Variants in MYO5A observed in about 807,000 individuals in gnomAD.
The protein encoded by MYO5A is myosin VA.
A neutral mutation model predicts 249.7 loss-of-function variants in MYO5A; 98 were observed. That is an observed-to-expected ratio of 0.39 (90% CI 0.33 to 0.46). The LOEUF is 0.46. MYO5A is among the 20% of genes least tolerant of loss of function. MYO5A has a pLI of 0.98. For synonymous variants in MYO5A, 778 were observed against 810.6 expected, an observed-to-expected ratio of 0.96 and a Z score of 0.68; for missense variants, 1,696 against 2,308.8, an observed-to-expected ratio of 0.73 and a Z score of 5.44.
chr15:52,385,348 C>T (rs1374399747), intron 14 of MYO5A, among the ~76,000 whole-genome samples: 2 of 152,134 alleles, frequency 1.3e-5, no homozygotes, highest in Non-Finnish European at 2.9e-5. Context: ...GAGGCATAAA[C>T]TCAGTAGATG....
chr15:52,517,094 T>C (rs900602282), intron 1 of MYO5A, among the ~76,000 whole-genome samples: 4 of 152,196 alleles, frequency 2.6e-5, no homozygotes, highest in Non-Finnish European at 5.9e-5. Context: ...AGAATAAAGG[T>C]ATTAAAAAGC....
At chr15:52,447,259 ATCAC>A (rs2075912488) in intron 1 of MYO5A, among the ~76,000 whole-genome samples, 1 of 151,978 alleles carries the variant, frequency 6.6e-6, no homozygotes, top group Admixed American at 6.6e-5. Context: ...CAAGATCGTT[ATCAC>A]TCACTCACAC....
chr15:52,325,128 G>C (rs969245454), intron 36 of MYO5A, among the ~76,000 whole-genome samples: 3 of 152,096 alleles, frequency 2.0e-5, no homozygotes, highest in Admixed American at 2.0e-4. Context: ...GGATGCTCTG[G>C]GCTAAGCTGA....
At chr15:52,453,726 T>A (rs1009797787) in intron 1 of MYO5A, among the ~76,000 whole-genome samples, 2 of 152,252 alleles carry the variant, frequency 1.3e-5, no homozygotes, top group African/African-American at 2.4e-5. Context: ...TATAGAGGTT[T>A]TTTTTAAAAA....
chr15:52,519,728 C>T (rs966543392), intron 1 of MYO5A, among the ~76,000 whole-genome samples: 4 of 151,586 alleles, frequency 2.6e-5, no homozygotes, highest in Admixed American at 6.6e-5. Context: ...CTTGCACAGA[C>T]GCTCCATGGC....
At chr15:52,501,258 A>C (rs2077153202) in intron 1 of MYO5A, among the ~76,000 whole-genome samples, 1 of 151,682 alleles carries the variant, frequency 6.6e-6, no homozygotes, top group Non-Finnish European at 1.5e-5. Flanking sequence ...GGCGTGAGCC[A>C]CCGCGCCCAG....
intron 31 of MYO5A, among the ~76,000 whole-genome samples, chr15:52,341,263 C>T (rs2039370676): frequency 6.6e-6 from 1 of 152,238 alleles, no homozygotes; most frequent in Admixed American, 6.5e-5. Context: ...CCCGAATCCA[C>T]ACAAATAGTT....
intron 40 of MYO5A, among the ~76,000 whole-genome samples, chr15:52,315,037 GACAA>G (rs1207235387): frequency 6.6e-6 from 1 of 152,142 alleles, no homozygotes. Flanking sequence ...GTCTGTGGGT[GACAA>G]ACTGAATTAG....
intron 1 of MYO5A, among the ~76,000 whole-genome samples, chr15:52,468,502 T>TA (rs1246757115): frequency 6.6e-6 from 1 of 151,950 alleles, no homozygotes; most frequent in African/African-American, 2.4e-5. Context: ...TACAAAAATG[T>TA]AAAAAAAATT....
chr15:52,507,354 T>C (rs1315216545), intron 1 of MYO5A, among the ~76,000 whole-genome samples: 4 of 152,184 alleles, frequency 2.6e-5, no homozygotes, highest in African/African-American at 9.7e-5. Context: ...GATGGAAACA[T>C]TAAAAAGGGA....
chr15:52,384,064 C>T lies in MYO5A; in HGVS notation c.1914+97G>A, dbSNP rs2242060. ...CAGTGAAAGCTCTAGGCTCTCCTCA[C>T]CTGAGGATCCCACCTGGGAGGCTGA... On this transcript the variant is annotated intron_variant, in intron 15 of 41. Coordinates refer to ENST00000399233, the MANE Select transcript of MYO5A (RefSeq NM_001382347.1). 2.3e-4 allele frequency: 343 copies of T among 1,487,314 alleles called. 2 individuals are homozygous for T. In the East Asian group the frequency reaches 7.6e-3, roughly 33 times the overall value. The allele number at this position is 1,487,314 out of a possible 1,614,324, so 92.1% of individuals were successfully genotyped here.
At chr15:52,392,351 G>A (rs1254421237) in intron 11 of MYO5A, among the ~76,000 whole-genome samples, 1 of 152,196 alleles carries the variant, frequency 6.6e-6, no homozygotes, top group African/African-American at 2.4e-5. Flanking sequence ...TTTCAAAACT[G>A]CACTATGTAC....
intron 1 of MYO5A, among the ~76,000 whole-genome samples, chr15:52,448,559 A>G (rs929614136): frequency 6.6e-6 from 1 of 152,168 alleles, no homozygotes; most frequent in Non-Finnish European, 1.5e-5. Flanking sequence ...GTGAGGACAT[A>G]AGATTTGGGA....
chr15:52,412,508 T>C (rs2043294698), intron 5 of MYO5A, among the ~76,000 whole-genome samples: 1 of 152,230 alleles, frequency 6.6e-6, no homozygotes, highest in African/African-American at 2.4e-5. Context: ...TGAGGAGCAT[T>C]AGTATCCTCA....
chr15:52,362,568 T>G (rs1447403489), intron 24 of MYO5A, among the ~76,000 whole-genome samples: 6 of 151,828 alleles, frequency 4.0e-5, no homozygotes, highest in Admixed American at 3.3e-4. Context: ...GCAAGTGAGC[T>G]CTGATCTCCC....
chr15:52,493,468 GC>G (rs2076975447), intron 1 of MYO5A, among the ~76,000 whole-genome samples: 1 of 152,020 alleles, frequency 6.6e-6, no homozygotes, highest in African/African-American at 2.4e-5. Context: ...TTTGAGACTA[GC>G]CTGGCCAACA....
At chr15:52,375,608 T>C in intron 19 of MYO5A, 148 bp from the exon 20 acceptor site, 2 of 890,454 alleles carry the variant, frequency 2.2e-6, no homozygotes, top group East Asian at 5.3e-5. Flanking sequence ...AGTCAACATT[T>C]ATATTTACTT....
intron 1 of MYO5A, among the ~76,000 whole-genome samples, chr15:52,501,847 C>T (rs1389104342): frequency 1.4e-5 from 2 of 144,332 alleles, no homozygotes; most frequent in East Asian, 4.0e-4. Flanking sequence ...CATAGGCATA[C>T]ACACAGACAC....
At chr15:52,360,170 C>G in intron 24 of MYO5A, 89 bp from the exon 25 acceptor site, 1 of 861,996 alleles carries the variant, frequency 1.2e-6, no homozygotes, top group Non-Finnish European at 1.9e-6. Flanking sequence ...TGGTTCTTAT[C>G]CCTACTTCCT....
Sources: allele counts gnomAD v4.1 joint callset (sites outside exome capture counted in the v4.1 genomes callset), GRCh38; gene constraint gnomAD v4.1.1; transcripts MANE v1.5; gene names NCBI Gene and HGNC (gene_info 2026-07-23, HGNC 2026-07-21).